NEK3: variants seen among roughly 807,000 people sequenced by gnomAD.
NEK3 encodes serine/threonine-protein kinase Nek3.
Under a neutral mutation model 66.0 loss-of-function variants are expected in NEK3, and 54 were observed. That is an observed-to-expected ratio of 0.82 (90% CI 0.66 to 1.03). The LOEUF (loss-of-function observed/expected upper bound fraction) is 1.03, where lower values mean the gene tolerates loss of function less well. Ranked by LOEUF, NEK3 falls within the 50% of genes least tolerant of loss-of-function variation. The pLI, the probability that NEK3 is intolerant of heterozygous loss-of-function variation, is 0.00. For synonymous variants in NEK3, 200 were observed against 206.2 expected (o/e 0.97, Z 0.26); for missense variants, 593 against 603.0 (o/e 0.98, Z 0.17).
Position 52,144,746 on chromosome 13 carries a change from G to T in NEK3, c.749C>A (p.Thr250Lys). ...AGCTACGATGCCTCGAGAGAGAAGC[G>T]TTGTAGCCGAGGGGCGATGTGAGGG... The part of the protein sequence containing the change: ...RNPSHRPSAT[T>K]LLSRGIVARL... The change falls in exon 9 of 16, where the codon ACG (threonine) becomes AAG (lysine). Residue 250 changes from threonine to lysine, a missense_variant. By Grantham distance (78) the Thr-to-Lys change is moderately conservative (BLOSUM62 -1). Transcript: ENST00000610828. The T allele has an allele frequency of 6.2e-7, 1 of 1,613,932 alleles. No homozygotes were observed. Among genetic ancestry groups the T allele is most frequent in the South Asian group, 1.1e-5 (1 of 91,072 alleles).
Position 52,136,248 on chromosome 13 carries a change from C to A in NEK3, c.1042G>T (p.Val348Phe). 6.2e-7 allele frequency: 1 copy of A among 1,613,658 alleles called. No homozygotes were observed. Among genetic ancestry groups the A allele is most frequent in the Non-Finnish European group, 8.5e-7 (1 of 1,179,670 alleles). ...GGTGAACTGGCTTTCCTCAGATGGA[C>A]TGACTTATTACCTGATTTTAAAGTG... ...VNREEKGNKSVHLRKASSPNL... is the reference protein window; with the variant it reads ...VNREEKGNKSFHLRKASSPNL... Residue 348 changes from valine to phenylalanine, a missense_variant, in exon 13 of 16, where the codon GTC becomes TTC. By Grantham distance (50) the Val-to-Phe change is conservative (BLOSUM62 -1). Coordinates refer to ENST00000610828, the MANE Select transcript of NEK3 (RefSeq NM_002498.3).
intron 14 of NEK3, among the ~76,000 whole-genome samples, chr13:52,135,194 A>G (rs1489997449): frequency 1.3e-5 from 2 of 152,150 alleles, no homozygotes; most frequent in East Asian, 3.8e-4. Context: ...TGTTAGTAAA[A>G]ATATCTGTAA....
At chr13:52,141,147 T>C (rs547367153) in intron 10 of NEK3, 78 bp from the exon 11 acceptor site, 28 of 1,342,048 alleles carry the variant, frequency 2.1e-5, no homozygotes, top group East Asian at 7.6e-5. Flanking sequence ...ATGATTTTCA[T>C]ACAGCTGGAG....
rs1165982002 is a variant in NEK3, at chr13:52,153,988, T to G, written c.216A>C (p.Glu72Asp). 1.2e-6 allele frequency: 2 copies of G among 1,612,068 alleles called. No homozygotes were observed. Among genetic ancestry groups the G allele is most frequent in the African/African-American group, 2.7e-5 (2 of 74,890 alleles). Reference sequence around the variant, plus strand: ...ATTCCATCACAATATACAAGTGTCCTTCAGCTAAAACAGATATAAGCTCTT... The same window carrying G: ...ATTCCATCACAATATACAAGTGTCCGTCAGCTAAAACAGATATAAGCTCTT... Reference protein sequence around the residue: ...IVAFKESFEAEGHLYIVMEYC... With the variant: ...IVAFKESFEADGHLYIVMEYC... The change falls in exon 4 of 16, where the codon GAA becomes GAC. Residue 72 changes from glutamate (E) to aspartate (D), a missense_variant. Coordinates refer to ENST00000610828, the MANE Select transcript of NEK3 (RefSeq NM_002498.3).
At chr13:52,155,607 C>T (rs1481740169) in intron 2 of NEK3, among the ~76,000 whole-genome samples, 2 of 152,196 alleles carry the variant, frequency 1.3e-5, no homozygotes, top group African/African-American at 4.8e-5. Flanking sequence ...GTATCGAGCC[C>T]TTGTAAAGCT....
At chr13:52,151,502 C>A (rs1251612874) in intron 5 of NEK3, 110 bp from the exon 6 acceptor site, 3 of 929,976 alleles carry the variant, frequency 3.2e-6, no homozygotes, top group South Asian at 1.5e-5. Flanking sequence ...GAAATGCTGA[C>A]AGCTGAGTCC....
At chr13:52,158,003 G>A (rs573222899) in intron 1 of NEK3, among the ~76,000 whole-genome samples, 5 of 152,180 alleles carry the variant, frequency 3.3e-5, no homozygotes, top group African/African-American at 9.6e-5. Context: ...TCAGCCTCCC[G>A]AGTAGCTGGG....
chr13:52,141,621 A>C (rs1956250724), intron 10 of NEK3, among the ~76,000 whole-genome samples: 2 of 152,270 alleles, frequency 1.3e-5, no homozygotes, highest in South Asian at 4.1e-4. Flanking sequence ...ATGGATGATG[A>C]TGCACTGAGA....
At chr13:52,156,289 T>C in intron 1 of NEK3, 41 bp from the exon 2 acceptor site, 1 of 735,482 alleles carries the variant, frequency 1.4e-6, no homozygotes, top group Non-Finnish European at 2.3e-6. Context: ...TAAATGTACT[T>C]TCAAAAAGCA....
chr13:52,149,859 A>G (rs942685745), intron 7 of NEK3, among the ~76,000 whole-genome samples: 9 of 130,684 alleles, frequency 6.9e-5, no homozygotes, highest in Admixed American at 5.0e-4. Flanking sequence ...ACAGAGTGAG[A>G]CTCTGTCTCA....
intron 8 of NEK3, among the ~76,000 whole-genome samples, chr13:52,147,326 T>C (rs947852350): frequency 6.6e-6 from 1 of 152,196 alleles, no homozygotes; most frequent in Admixed American, 6.5e-5. Flanking sequence ...TGTACACCAT[T>C]TGTTCATAAC....
At chr13:52,138,430 T>G (rs1956222419) in intron 11 of NEK3, among the ~76,000 whole-genome samples, 2 of 152,226 alleles carry the variant, frequency 1.3e-5, no homozygotes, top group Middle Eastern at 3.4e-3. Context: ...GGCATGTAAA[T>G]TATACCTCAA....
chr13:52,144,259 C>CA (rs1286100750), intron 9 of NEK3, among the ~76,000 whole-genome samples: 1 of 152,012 alleles, frequency 6.6e-6, no homozygotes, highest in Non-Finnish European at 1.5e-5. Context: ...ACTAAAAATA[C>CA]AAAAAAAGTA....
intron 9 of NEK3, among the ~76,000 whole-genome samples, chr13:52,144,403 G>A (rs919823478): frequency 6.6e-5 from 10 of 152,084 alleles, no homozygotes; most frequent in African/African-American, 2.2e-4. Context: ...GCGACAGAGC[G>A]AGACTCCATC....
At chr13:52,155,146 AT>A (rs1956383736) in intron 2 of NEK3, among the ~76,000 whole-genome samples, 2 of 152,060 alleles carry the variant, frequency 1.3e-5, no homozygotes, top group Non-Finnish European at 2.9e-5. Context: ...CCTCCAGATG[AT>A]TATGATGCTC....
chr13:52,142,135 C>G (rs1956256418), intron 10 of NEK3, among the ~76,000 whole-genome samples: 1 of 151,932 alleles, frequency 6.6e-6, no homozygotes, highest in African/African-American at 2.4e-5. Flanking sequence ...TACATTCTTC[C>G]AAACTACCTT....
chr13:52,145,463 C>A (rs560750692), intron 8 of NEK3, among the ~76,000 whole-genome samples: 1 of 152,268 alleles, frequency 6.6e-6, no homozygotes. Context: ...GCCACCGCGC[C>A]TGGCTAATTT....
intron 5 of NEK3, 110 bp from the exon 6 acceptor site, chr13:52,151,502 C>T: frequency 1.1e-6 from 1 of 929,976 alleles, no homozygotes; most frequent in Non-Finnish European, 1.7e-6. Context: ...GAAATGCTGA[C>T]AGCTGAGTCC....
At chr13:52,138,261 A>G (rs147403909) in intron 11 of NEK3, among the ~76,000 whole-genome samples, 2 of 152,312 alleles carry the variant, frequency 1.3e-5, no homozygotes, top group South Asian at 2.1e-4. Flanking sequence ...GCCTCAATCA[A>G]TGCTCCTGCC....
Sources: allele counts gnomAD v4.1 joint callset (sites outside exome capture counted in the v4.1 genomes callset), GRCh38; gene constraint gnomAD v4.1.1; transcripts MANE v1.5; gene names NCBI Gene and HGNC (gene_info 2026-07-23, HGNC 2026-07-21).